The following PBX1 variants were observed in gnomAD, a reference collection of about 807,000 sequenced individuals.
PBX1 encodes the protein pre-B-cell leukemia transcription factor 1.
Under a neutral mutation model 53.4 loss-of-function variants are expected in PBX1, and 6 were observed. The ratio of observed to expected loss-of-function variants is 0.11; its 90% CI spans 0.06 to 0.22. The LOEUF (loss-of-function observed/expected upper bound fraction) is 0.22, where lower values mean the gene tolerates loss of function less well. Ranked by LOEUF, PBX1 falls within the 10% of genes least tolerant of loss-of-function variation. The probability of loss-of-function intolerance (pLI) is 1.00; values close to 1 mark genes in which losing one functional copy is unlikely to be tolerated. For synonymous variants in PBX1, 204 were observed against 212.3 expected (o/e 0.96, Z 0.34); for missense variants, 251 against 551.4 (o/e 0.46, Z 5.46).
At chr1:164,856,528 A>G (rs1340379604), downstream of PBX1, among the ~76,000 whole-genome samples, 3 of 152,000 alleles carry the variant, frequency 2.0e-5, no homozygotes, top group African/African-American at 7.3e-5. Flanking sequence ...TTCAGCTTTA[A>G]TTCCTTGAGT....
intron 2 of PBX1, among the ~76,000 whole-genome samples, chr1:164,753,237 A>T (rs114187295): frequency 0.013 from 1,968 of 152,324 alleles, 43 homozygotes; most frequent in African/African-American, 0.042. Flanking sequence ...TAATAATTTT[A>T]AAAAAGTGCA....
intron 2 of PBX1, among the ~76,000 whole-genome samples, chr1:164,876,411 AGAG>A (rs1241334593): frequency 1.3e-5 from 2 of 151,588 alleles, no homozygotes; most frequent in African/African-American, 4.9e-5. Context: ...GACAATTAGC[AGAG>A]GAGAGGGATT....
intron 2 of PBX1, among the ~76,000 whole-genome samples, chr1:164,767,331 G>A (rs1192753978): frequency 1.3e-5 from 2 of 152,172 alleles, no homozygotes; most frequent in Non-Finnish European, 2.9e-5. Flanking sequence ...TTCTGCATGA[G>A]GGGCCCTGGG....
At position 164,819,925 on chromosome 1, in the gene PBX1, A is replaced by G. The variant is rs970508081; in HGVS notation, c.998-147A>G. On this transcript the variant is annotated intron_variant, in intron 6 of 8. Transcript: ENST00000420696. ...TATTGCTTGCTCTGTTCTTCATGCT[A>G]CTAACCAGACTCTGTTGATGTTATT... 6.4e-5 allele frequency: 39 copies of G among 610,170 alleles called. 1 individual carries two copies. The Middle Eastern group carries it at 1.4e-3, about 21-fold the overall frequency. 37.8% of individuals were successfully genotyped at this position (610,170 alleles called of 1,614,324 possible). A position where few individuals can be genotyped will look rare whatever the true frequency, so the allele number is the denominator to read the frequency against.
At chr1:164,703,635 C>G (rs1663259578) in intron 2 of PBX1, among the ~76,000 whole-genome samples, 1 of 152,178 alleles carries the variant, frequency 6.6e-6, no homozygotes, top group Non-Finnish European at 1.5e-5. Flanking sequence ...GTGTCTGCCC[C>G]TGCTGGTCAT....
intron 2 of PBX1, among the ~76,000 whole-genome samples, chr1:164,583,520 T>C (rs1654763697): frequency 1.3e-5 from 2 of 152,266 alleles, no homozygotes; most frequent in East Asian, 1.9e-4. Context: ...TGTTCCATTT[T>C]TCATGGGCAG....
chr1:164,781,646 A>C (rs1667941192), intron 2 of PBX1, among the ~76,000 whole-genome samples: 1 of 151,692 alleles, frequency 6.6e-6, no homozygotes, highest in East Asian at 1.9e-4. Context: ...CTCAGTCTAA[A>C]CTCCTCAAGG....
intron 2 of PBX1, among the ~76,000 whole-genome samples, chr1:164,781,396 ATTTTAT>A (rs910364321): frequency 6.6e-6 from 1 of 152,094 alleles, no homozygotes; most frequent in African/African-American, 2.4e-5. Context: ...TAAAAACCTG[ATTTTAT>A]TAGTATAGTG....
At chr1:164,654,104 T>C (rs1391456651) in intron 2 of PBX1, among the ~76,000 whole-genome samples, 3 of 152,200 alleles carry the variant, frequency 2.0e-5, no homozygotes, top group African/African-American at 7.2e-5. Flanking sequence ...CTGGCAGATA[T>C]TCCGTAAACA....
chr1:164,599,781 T>G (rs1489570544), intron 2 of PBX1, among the ~76,000 whole-genome samples: 1 of 152,230 alleles, frequency 6.6e-6, no homozygotes, highest in East Asian at 1.9e-4. Context: ...CATCTTTGCA[T>G]ATGTGTTCTT....
chr1:164,872,333 T>C (rs1672403184), intron 2 of PBX1, among the ~76,000 whole-genome samples: 1 of 152,216 alleles, frequency 6.6e-6, no homozygotes, highest in Non-Finnish European at 1.5e-5. Flanking sequence ...CCTCCCTTTC[T>C]GTAACCCATA....
intron 2 of PBX1, chr1:164,657,049 A>G (rs1294669607): frequency 6.6e-6 from 1 of 152,216 alleles, no homozygotes; most frequent in African/African-American, 2.4e-5. Flanking sequence ...CCAAATAAGG[A>G]TATAATTTGC....
intron 2 of PBX1, among the ~76,000 whole-genome samples, chr1:164,676,219 C>T (rs1280897790): frequency 2.6e-5 from 4 of 151,962 alleles, no homozygotes; most frequent in Admixed American, 2.0e-4. Flanking sequence ...CTATATTTGC[C>T]CAGACCAAGT....
intron 1 of PBX1, chr1:164,562,980 AC>A: frequency 4.5e-6 from 1 of 223,298 alleles, no homozygotes; most frequent in East Asian, 8.3e-5. Flanking sequence ...AAAAAAAAAA[AC>A]CCTTTCCCTA....
chr1:164,701,903 C>T (rs937220643), intron 2 of PBX1, among the ~76,000 whole-genome samples: 1 of 152,104 alleles, frequency 6.6e-6, no homozygotes, highest in African/African-American at 2.4e-5. Context: ...AGACCCACAA[C>T]CTTTTGGTCT....
intron 2 of PBX1, among the ~76,000 whole-genome samples, chr1:164,716,729 C>CACACACACACACACACACACACAG (rs796685795): frequency 7.1e-6 from 1 of 140,376 alleles, no homozygotes; most frequent in African/African-American, 2.6e-5. Flanking sequence ...CACACACACA[C>CACACACACACACACACACACACAG]AGAAATACAC....
intron 2 of PBX1, among the ~76,000 whole-genome samples, chr1:164,610,112 C>T (rs1656810684): frequency 6.6e-6 from 1 of 152,194 alleles, no homozygotes; most frequent in Non-Finnish European, 1.5e-5. Flanking sequence ...AGCATTGAGG[C>T]AATTGGTGGC....
chr1:164,787,388 C>T (rs936707109), intron 2 of PBX1, among the ~76,000 whole-genome samples: 1 of 152,184 alleles, frequency 6.6e-6, no homozygotes, highest in Non-Finnish European at 1.5e-5. Flanking sequence ...CAACCTGCCC[C>T]CACCTGTGGA....
intron 2 of PBX1, among the ~76,000 whole-genome samples, chr1:164,881,366 A>AGG (rs1672647772): frequency 1.9e-5 from 1 of 51,290 alleles, no homozygotes; most frequent in Non-Finnish European, 5.1e-5. Flanking sequence ...GGAAGGAGGA[A>AGG]AAGAAGGAAG....
Sources: gnomAD v4.1 joint callset for allele counts (sites outside exome capture counted in the v4.1 genomes callset) on GRCh38, gnomAD v4.1.1 for gene constraint, MANE v1.5 for transcripts, NCBI Gene and HGNC (gene_info 2026-07-23, HGNC 2026-07-21) for gene names.